DRC11: variants seen among roughly 807,000 people sequenced by gnomAD.
DRC11 encodes dynein regulatory complex subunit 11.
chr2:236,340,840 C>T, the DRC11 span, among the ~76,000 whole-genome samples: 4 of 152,316 alleles, frequency 2.6e-5, no homozygotes, highest in African/African-American at 7.2e-5. Flanking sequence ...TCCAGAGTGA[C>T]ATCCTTGCTG....
chr2:236,392,471 T>G, the DRC11 span: 13 of 555,224 alleles, frequency 2.3e-5, no homozygotes, highest in Middle Eastern at 1.4e-3. This position sits in a 1 kb window ranked among gnomAD's most constrained non-coding sequence, Gnocchi z 5.1. Context: ...TAAGCCTAAC[T>G]TTATATGTTA....
the DRC11 span, among the ~76,000 whole-genome samples, chr2:236,454,303 C>T: frequency 6.6e-6 from 1 of 152,158 alleles, no homozygotes; most frequent in Admixed American, 6.5e-5. This position sits in a 1 kb window ranked among gnomAD's most constrained non-coding sequence, Gnocchi z 5.3. Flanking sequence ...TGACGACCGA[C>T]ATCAAAACCT....
chr2:236,420,950 C>T, the DRC11 span, among the ~76,000 whole-genome samples: 2 of 152,228 alleles, frequency 1.3e-5, no homozygotes, highest in South Asian at 4.1e-4. This position sits in a 1 kb window ranked among gnomAD's most constrained non-coding sequence, Gnocchi z 4.8. Context: ...TCTGCTTTCT[C>T]TTGTGGGCAT....
the DRC11 span, among the ~76,000 whole-genome samples, chr2:236,466,374 GT>G: frequency 6.6e-6 from 1 of 152,284 alleles, no homozygotes; most frequent in Non-Finnish European, 1.5e-5. Flanking sequence ...AGCAAGATAT[GT>G]TTACATTTAA....
the DRC11 span, among the ~76,000 whole-genome samples, chr2:236,492,959 A>G: frequency 6.6e-6 from 1 of 152,260 alleles, no homozygotes; most frequent in Non-Finnish European, 1.5e-5. Context: ...CCCCAATGAC[A>G]GTCCATTCAA....
At chr2:236,459,511 ACG>A in the DRC11 span, among the ~76,000 whole-genome samples, 86 of 104,466 alleles carry the variant, frequency 8.2e-4, 1 homozygote, top group African/African-American at 2.3e-3. Flanking sequence ...GTATACGTAT[ACG>A]TATACATGTA....
chr2:236,437,106 A>C, the DRC11 span, among the ~76,000 whole-genome samples: 1 of 108,106 alleles, frequency 9.3e-6, no homozygotes, highest in Non-Finnish European at 1.8e-5. Flanking sequence ...CCCACCCCAC[A>C]ACAGTCCCCA....
the DRC11 span, among the ~76,000 whole-genome samples, chr2:236,434,872 T>C: frequency 1.3e-5 from 2 of 152,156 alleles, no homozygotes; most frequent in Non-Finnish European, 2.9e-5. The surrounding 1 kb of genome is among the most constrained non-coding windows in gnomAD (Gnocchi z 5.5). Flanking sequence ...CCTGGCAATT[T>C]AGCTGGCGGG....
At chr2:236,402,068 G>A in the DRC11 span, among the ~76,000 whole-genome samples, 2 of 152,328 alleles carry the variant, frequency 1.3e-5, no homozygotes, top group South Asian at 2.1e-4. The surrounding 1 kb of genome is among the most constrained non-coding windows in gnomAD (Gnocchi z 6.0). Context: ...TCCCCAGTGC[G>A]TGCCCCAGGT....
chr2:236,507,335 G>A, the DRC11 span: 1 of 1,567,134 alleles, frequency 6.4e-7, no homozygotes, highest in Non-Finnish European at 8.8e-7. Flanking sequence ...AAGGACGGTG[G>A]CAGCAGGGGT....
At chr2:236,403,460 C>G in the DRC11 span, among the ~76,000 whole-genome samples, 1 of 151,166 alleles carries the variant, frequency 6.6e-6, no homozygotes, top group Admixed American at 6.6e-5. Flanking sequence ...ACCCAGGAGC[C>G]TGGTGTGAAG....
the DRC11 span, among the ~76,000 whole-genome samples, chr2:236,491,229 ATATATATATATACACAG>A: frequency 1.2e-3 from 82 of 67,118 alleles, 2 homozygotes; most frequent in Non-Finnish European, 1.7e-3. Flanking sequence ...GTATATATAT[ATATATATATATACACAG>A]TATATATATA....
At chr2:236,412,835 A>C in the DRC11 span, 1 of 152,334 alleles carries the variant, frequency 6.6e-6, no homozygotes. Flanking sequence ...AAGAGCTGTC[A>C]GAGATGCCGA....
chr2:236,465,708 A>G, the DRC11 span: 2 of 1,596,228 alleles, frequency 1.3e-6, no homozygotes, highest in Non-Finnish European at 1.7e-6. This position sits in a 1 kb window ranked among gnomAD's most constrained non-coding sequence, Gnocchi z 6.2. Flanking sequence ...GAGGAGGTGG[A>G]TTCTGAAAAT....
At chr2:236,487,931 C>CA in the DRC11 span, 22 of 1,115,640 alleles carry the variant, frequency 2.0e-5, no homozygotes, top group Non-Finnish European at 2.2e-5. Context: ...AGCTCAGCCC[C>CA]AAAATTGAGA....
the DRC11 span, among the ~76,000 whole-genome samples, chr2:236,485,657 C>T: frequency 6.6e-6 from 1 of 152,188 alleles, no homozygotes; most frequent in Non-Finnish European, 1.5e-5. Flanking sequence ...TTGAGAGCTG[C>T]CTCCAAGTGC....
At chr2:236,424,606 G>C in the DRC11 span, among the ~76,000 whole-genome samples, 2 of 152,190 alleles carry the variant, frequency 1.3e-5, no homozygotes, top group Non-Finnish European at 2.9e-5. Context: ...GAATGATTAA[G>C]TCAAGCTAAC....
the DRC11 span, among the ~76,000 whole-genome samples, chr2:236,467,548 GCCTT>G: frequency 6.6e-6 from 1 of 152,032 alleles, no homozygotes; most frequent in Non-Finnish European, 1.5e-5. Context: ...TTATACTTGT[GCCTT>G]CCTTATTTTT....
At chr2:236,422,577 C>T in the DRC11 span, among the ~76,000 whole-genome samples, 2 of 152,166 alleles carry the variant, frequency 1.3e-5, no homozygotes, top group Admixed American at 1.3e-4. Flanking sequence ...GAAGAACATT[C>T]CATGCTCATG....
Sources: gnomAD v4.1 joint callset for allele counts (sites outside exome capture counted in the v4.1 genomes callset) on GRCh38, gnomAD v4.1.1 for gene constraint, Gnocchi (gnomAD v3.1) non-coding constraint, MANE v1.5 for transcripts, NCBI Gene and HGNC (gene_info 2026-07-23, HGNC 2026-07-21) for gene names.